The following SLC33A1 variants were observed in gnomAD, a reference collection of about 807,000 sequenced individuals.
The protein encoded by SLC33A1 is acetyl-coenzyme A transporter 1.
A neutral mutation model predicts 50.0 loss-of-function variants in SLC33A1; 20 were observed. The ratio of observed to expected loss-of-function variants is 0.40; its 90% CI spans 0.28 to 0.58. SLC33A1 has a LOEUF of 0.58. Ranked by LOEUF, SLC33A1 falls within the 20% of genes least tolerant of loss-of-function variation. The probability of loss-of-function intolerance (pLI) is 0.44; values close to 1 mark genes in which losing one functional copy is unlikely to be tolerated. For missense variants in SLC33A1, 476 were observed against 657.0 expected, an observed-to-expected ratio of 0.72 and a Z score of 3.01; for synonymous variants, 265 against 251.8, an observed-to-expected ratio of 1.05 and a Z score of -0.50.
intron 2 of SLC33A1, among the ~76,000 whole-genome samples, chr3:155,841,435 G>C (rs1204856793): frequency 6.6e-6 from 1 of 152,096 alleles, no homozygotes; most frequent in African/African-American, 2.4e-5. Context: ...ACTGTCAAAA[G>C]ATAGGTGCAA....
rs917055317 is a variant in SLC33A1, at chr3:155,824,617, A to G, written c.*3593T>C. On this transcript the variant is annotated 3_prime_UTR_variant, in exon 6 of 6. Transcript: ENST00000643144. ...TTTATCATAGATTTTTTTTTTCAACATTGTTTTCAGGATGTTTTAAACACT... is the reference window on the plus strand; with the variant it reads ...TTTATCATAGATTTTTTTTTTCAACGTTGTTTTCAGGATGTTTTAAACACT... The G allele has an allele frequency of 4.0e-5, 6 of 151,540 alleles. No individual in the cohort carries two copies. The highest frequency in any genetic ancestry group is 7.3e-5 in the African/African-American group (3 of 41,240). The allele number at this position is 151,540 out of a possible 1,614,324, so 9.4% of individuals were successfully genotyped here.
At chr3:155,842,167 T>C (rs547008037) in intron 2 of SLC33A1, among the ~76,000 whole-genome samples, 1 of 152,326 alleles carries the variant, frequency 6.6e-6, no homozygotes, top group Non-Finnish European at 1.5e-5. Flanking sequence ...ATTCCAAGCA[T>C]TAATATCATT....
At position 155,821,571 on chromosome 3, in the gene SLC33A1, A is replaced by T. The variant is rs1752090379; in HGVS notation, c.*6639T>A. 6.6e-6 allele frequency: 1 copy of T among 151,868 alleles called. No individual in the cohort carries two copies. Among genetic ancestry groups the T allele is most frequent in the East Asian group, 1.9e-4 (1 of 5,182 alleles). 9.4% of individuals were successfully genotyped at this position (151,868 alleles called of 1,614,324 possible). A position where few individuals can be genotyped will look rare whatever the true frequency, so the allele number is the denominator to read the frequency against. Reference sequence around the variant, plus strand: ...AACCCCTGCCTCCCGGGTTCAAGCGATTCTCCTGCCTCAGCCTCCCGAGTA... The same window carrying T: ...AACCCCTGCCTCCCGGGTTCAAGCGTTTCTCCTGCCTCAGCCTCCCGAGTA... On this transcript the variant is annotated 3_prime_UTR_variant, in exon 6 of 6. Transcript: ENST00000643144.
rs546918690 is a variant in SLC33A1 at position 155,829,005 on chromosome 3, A to C, written c.1483-628T>G. ...GCAACCTCCGCCTCCCAGTTCTAGC[A>C]ATTCTCCTGTCTCAGCCTCCTGAGT... On this transcript the variant is annotated intron_variant, in intron 5 of 5. Coordinates refer to ENST00000643144, the MANE Select transcript of SLC33A1 (RefSeq NM_004733.4). Among the ~76,000 whole-genome samples the C allele has an allele frequency of 2.0e-3, 304 of 151,082 alleles. 1 individual carries two copies. The highest frequency in any genetic ancestry group is 6.9e-3 in the African/African-American group (285 of 41,228).
At chr3:155,848,830 T>G (rs1402591878) in intron 1 of SLC33A1, among the ~76,000 whole-genome samples, 2 of 152,220 alleles carry the variant, frequency 1.3e-5, no homozygotes, top group East Asian at 1.9e-4. Context: ...TCATTTACAT[T>G]ATCTATCTAC....
chr3:155,851,401 C>T (rs868381377), intron 1 of SLC33A1, among the ~76,000 whole-genome samples: 1 of 113,552 alleles, frequency 8.8e-6, no homozygotes, highest in Non-Finnish European at 1.7e-5. Context: ...TCGCAAAACA[C>T]CCAGCTATTT....
At chr3:155,839,671 G>A (rs975622773) in intron 2 of SLC33A1, among the ~76,000 whole-genome samples, 8 of 151,942 alleles carry the variant, frequency 5.3e-5, no homozygotes, top group African/African-American at 1.5e-4. Context: ...TAAGTAGGCC[G>A]GGCATGGTGG....
At chr3:155,846,454 C>CTTTTTT (rs34163073) in intron 1 of SLC33A1, among the ~76,000 whole-genome samples, 4 of 138,442 alleles carry the variant, frequency 2.9e-5, no homozygotes, top group Non-Finnish European at 6.3e-5. Flanking sequence ...CCCACACTTC[C>CTTTTTT]TTTTTTTTTT....
At chr3:155,831,381 G>A (rs1304982380) in intron 4 of SLC33A1, among the ~76,000 whole-genome samples, 8 of 146,520 alleles carry the variant, frequency 5.5e-5, no homozygotes, top group African/African-American at 1.3e-4. Flanking sequence ...ACTTGAACCC[G>A]GGAGGTGGAG....
chr3:155,837,172 A>AACAC (rs988123653), intron 2 of SLC33A1, among the ~76,000 whole-genome samples: 1 of 151,750 alleles, frequency 6.6e-6, no homozygotes, highest in Non-Finnish European at 1.5e-5. Context: ...CATCCTGGCT[A>AACAC]GGTGAAACCC....
chr3:155,853,410 G>C lies in SLC33A1; in HGVS notation c.588C>G (p.Ala196=), dbSNP rs759952041. 44 of 1,613,920 alleles carry C rather than the reference G, an allele frequency of 2.7e-5. No individual in the cohort carries two copies. The highest frequency in any genetic ancestry group is 3.6e-5 in the Non-Finnish European group (42 of 1,180,026). Residue 196 remains alanine, a synonymous_variant, in exon 1 of 6, where the codon GCC becomes GCG. Transcript: ENST00000643144. ...FEFLAATQDI[A]VDGWALTMLS... ...ACATAGTTAACGCCCAACCATCGAC[G>C]GCAATGTCCTGAGTGGCGGCCAAGA... is the stretch of plus-strand genomic sequence containing the variant.
At chr3:155,852,183 G>A (rs1753423428) in intron 1 of SLC33A1, among the ~76,000 whole-genome samples, 2 of 152,100 alleles carry the variant, frequency 1.3e-5, no homozygotes, top group Admixed American at 6.6e-5. Flanking sequence ...GGCCAGGTGG[G>A]GTGGTTCACA....
intron 2 of SLC33A1, among the ~76,000 whole-genome samples, chr3:155,835,028 T>G (rs559278760): frequency 7.2e-4 from 110 of 152,358 alleles, no homozygotes; most frequent in African/African-American, 2.5e-3. Flanking sequence ...GTGTAAAATT[T>G]GGATATGGAC....
At chr3:155,848,655 C>A (rs1753276074) in intron 1 of SLC33A1, among the ~76,000 whole-genome samples, 1 of 152,072 alleles carries the variant, frequency 6.6e-6, no homozygotes, top group African/African-American at 2.4e-5. Context: ...GCATTCCAGC[C>A]TGGGCAACAA....
intron 2 of SLC33A1, among the ~76,000 whole-genome samples, chr3:155,837,311 G>A (rs12492572): frequency 0.052 from 7,640 of 147,212 alleles, 417 homozygotes; most frequent in Admixed American, 0.16. Context: ...AGCCGAGATC[G>A]CGCCACTGCA....
At chr3:155,848,910 T>A (rs1051318849) in intron 1 of SLC33A1, among the ~76,000 whole-genome samples, 1 of 152,156 alleles carries the variant, frequency 6.6e-6, no homozygotes, top group Non-Finnish European at 1.5e-5. Flanking sequence ...TTCATTTATT[T>A]TTTATTTATT....
At chr3:155,843,338 A>G (rs1753004141) in intron 1 of SLC33A1, among the ~76,000 whole-genome samples, 1 of 152,202 alleles carries the variant, frequency 6.6e-6, no homozygotes, top group Admixed American at 6.6e-5. Flanking sequence ...GATTATTTAC[A>G]TCAGATTTTC....
intron 1 of SLC33A1, chr3:155,842,914 C>G (rs1752986452): frequency 1.1e-5 from 2 of 183,964 alleles, no homozygotes; most frequent in Admixed American, 1.3e-4. Context: ...AGGCTGAGGA[C>G]TACCTGAGCC....
intron 2 of SLC33A1, among the ~76,000 whole-genome samples, chr3:155,839,576 T>C (rs1752843622): frequency 6.6e-6 from 1 of 152,116 alleles, no homozygotes; most frequent in Admixed American, 6.6e-5. Flanking sequence ...TTTTCAAATA[T>C]GTAATGCTAT....
Sources: gnomAD v4.1 joint callset for allele counts (sites outside exome capture counted in the v4.1 genomes callset) on GRCh38, gnomAD v4.1.1 for gene constraint, MANE v1.5 for transcripts, NCBI Gene and HGNC (gene_info 2026-07-23, HGNC 2026-07-21) for gene names.